LIPA: variants seen among roughly 807,000 people sequenced by gnomAD.
The protein encoded by LIPA is lysosomal acid lipase/cholesteryl ester hydrolase.
A neutral mutation model predicts 40.6 loss-of-function variants in LIPA; 26 were observed. The ratio of observed to expected loss-of-function variants is 0.64; its 90% CI spans 0.47 to 0.89. The LOEUF is 0.89. Among genes scored for constraint, LIPA ranks in the 40% least tolerant of loss-of-function variants. The pLI is 0.00. For synonymous variants in LIPA, 188 were observed against 168.4 expected, an observed-to-expected ratio of 1.12 and a Z score of -0.90; for missense variants, 455 against 479.6, an observed-to-expected ratio of 0.95 and a Z score of 0.48.
intron 1 of LIPA, chr10:89,306,599 C>T (rs765812469): frequency 8.1e-6 from 13 of 1,613,958 alleles, no homozygotes; most frequent in East Asian, 2.2e-5. Context: ...TAAAGTCCTC[C>T]TGGCTCTGAA....
intron 2 of LIPA, among the ~76,000 whole-genome samples, chr10:89,351,237 G>A (rs894722428): frequency 2.6e-5 from 4 of 152,148 alleles, no homozygotes; most frequent in Non-Finnish European, 4.4e-5. Context: ...GACGGCTTGA[G>A]CCCAGGAGGT....
intron 1 of LIPA, among the ~76,000 whole-genome samples, chr10:89,312,059 C>T (rs1843519531): frequency 6.6e-6 from 1 of 152,126 alleles, no homozygotes; most frequent in African/African-American, 2.4e-5. Context: ...CGTCTTCTTC[C>T]TTCAAGTTTC....
chr10:89,256,260 T>C (rs1252232962), upstream of LIPA, among the ~76,000 whole-genome samples: 3 of 152,154 alleles, frequency 2.0e-5, no homozygotes, highest in Admixed American at 1.3e-4. Context: ...CACATGGAGA[T>C]GTTGAGTAGG....
chr10:89,326,372 A>G (rs1359494719), intron 1 of LIPA, among the ~76,000 whole-genome samples: 1 of 150,228 alleles, frequency 6.7e-6, no homozygotes, highest in Non-Finnish European at 1.5e-5. Flanking sequence ...TTGTTTGTGG[A>G]AGCTAAAAAT....
At chr10:89,236,219 C>T (rs1437496184) in intron 3 of LIPA, among the ~76,000 whole-genome samples, 1 of 152,122 alleles carries the variant, frequency 6.6e-6, no homozygotes, top group African/African-American at 2.4e-5. Context: ...GTGCCATTGA[C>T]AGTTAAGAGA....
In LIPA at chr10:89,314,171, C is replaced by T. The variant is rs182619110; in HGVS notation, c.-2+28440G>A. 2.1e-3 allele frequency among the ~76,000 whole-genome samples: 314 copies of T among 152,202 alleles called. 4 individuals carry two copies. Among genetic ancestry groups the T allele is most frequent in the Middle Eastern group, 6.8e-3 (2 of 294 alleles). On this transcript the variant is annotated intron_variant, in intron 1 of 5. Transcript: ENST00000282673. ...TGAATACTGTCATTGCTTTCACATT[C>T]GGTAGATATGTTAGATAAGTTATGT...
At chr10:89,275,300 T>A (rs1190681306) in intron 1 of LIPA, among the ~76,000 whole-genome samples, 1 of 152,168 alleles carries the variant, frequency 6.6e-6, no homozygotes, top group African/African-American at 2.4e-5. Flanking sequence ...TTCCCCTGAA[T>A]CCTCCTTCAG....
intron 1 of LIPA, chr10:89,306,455 A>G: frequency 6.2e-7 from 1 of 1,614,142 alleles, no homozygotes; most frequent in South Asian, 1.1e-5. Context: ...GGCTCTGGAA[A>G]AGAAGCCAAA....
chr10:89,306,509 C>G (rs1472530318), intron 1 of LIPA: 11 of 1,613,992 alleles, frequency 6.8e-6, no homozygotes, highest in Non-Finnish European at 8.5e-6. Flanking sequence ...AAGCTACCGT[C>G]TGGACAACTG....
At chr10:89,389,221 T>G (rs528664154) in intron 2 of LIPA, among the ~76,000 whole-genome samples, 2 of 152,190 alleles carry the variant, frequency 1.3e-5, no homozygotes, top group Non-Finnish European at 2.9e-5. Context: ...CTTTTATAAT[T>G]AAATGAAAAA....
intron 4 of LIPA, 84 bp from the exon 5 acceptor site, chr10:89,227,088 A>G: frequency 3.4e-6 from 3 of 880,624 alleles, no homozygotes. Context: ...TTGATGAGTT[A>G]TCACAAACTA....
At chr10:89,247,388 A>C (rs1843039770) in intron 2 of LIPA, 150 bp downstream of exon 2, 4 of 163,352 alleles carry the variant, frequency 2.4e-5, no homozygotes, top group African/African-American at 1.8e-4. Context: ...TCAAAAAAAA[A>C]AAAAAAAAAA....
At chr10:89,345,733 G>A (rs932621539), upstream of LIPA, among the ~76,000 whole-genome samples, 1 of 151,990 alleles carries the variant, frequency 6.6e-6, no homozygotes, top group African/African-American at 2.4e-5. Context: ...AGACAGATTC[G>A]AAGAAACTAC....
At chr10:89,388,991 C>T (rs763571326) in intron 2 of LIPA, among the ~76,000 whole-genome samples, 2 of 151,930 alleles carry the variant, frequency 1.3e-5, no homozygotes, top group Non-Finnish European at 2.9e-5. Context: ...TCCATGGATG[C>T]GACTGGAAGT....
chr10:89,264,573 G>A (rs973670061), intron 1 of LIPA, among the ~76,000 whole-genome samples: 1 of 152,172 alleles, frequency 6.6e-6, no homozygotes, highest in African/African-American at 2.4e-5. Context: ...CAGGCAGGTT[G>A]TCCTGACAAG....
intron 2 of LIPA, among the ~76,000 whole-genome samples, chr10:89,352,374 T>C (rs1216128388): frequency 1.3e-5 from 2 of 152,174 alleles, no homozygotes; most frequent in Non-Finnish European, 2.9e-5. Context: ...AACACCACCA[T>C]TTTTTGTACA....
chr10:89,253,015 G>C (rs762213985), upstream of LIPA, among the ~76,000 whole-genome samples: 13 of 152,300 alleles, frequency 8.5e-5, no homozygotes, highest in Middle Eastern at 6.8e-3. Flanking sequence ...TGAGGTCTTT[G>C]AGGCTAAAAC....
At chr10:89,341,859 G>A (rs997034774) in intron 1 of LIPA, among the ~76,000 whole-genome samples, 8 of 152,158 alleles carry the variant, frequency 5.3e-5, no homozygotes, top group African/African-American at 1.2e-4. Flanking sequence ...GCATTATACC[G>A]TATTAAGAGG....
intron 1 of LIPA, among the ~76,000 whole-genome samples, chr10:89,269,458 A>AT (rs750712900): frequency 0.01 from 1,513 of 150,096 alleles, 36 homozygotes; most frequent in African/African-American, 0.03. Flanking sequence ...ATCTTTAAGG[A>AT]TTTTTTTTTT....
Sources: gnomAD v4.1 joint callset for allele counts (sites outside exome capture counted in the v4.1 genomes callset) on GRCh38, gnomAD v4.1.1 for gene constraint, MANE v1.5 for transcripts, NCBI Gene and HGNC (gene_info 2026-07-23, HGNC 2026-07-21) for gene names.